The following GABRG3 variants were observed in gnomAD, a reference collection of about 807,000 sequenced individuals.
GABRG3 encodes gamma-aminobutyric acid type A receptor subunit gamma3.
GABRG3 carries 25 observed loss-of-function variants against 48.8 expected under a neutral mutation model. That is an observed-to-expected ratio of 0.51 (90% CI 0.37 to 0.72). The LOEUF (loss-of-function observed/expected upper bound fraction) is 0.72. Ranked by LOEUF, GABRG3 falls within the 30% of genes least tolerant of loss-of-function variation. GABRG3 has a pLI of 0.00. For missense variants in GABRG3, 394 were observed against 577.9 expected (o/e 0.68, Z 3.26); for synonymous variants, 227 against 217.6 (o/e 1.04, Z -0.38).
rs542646728 is a variant in GABRG3, at chr15:27,398,056, G to A, written c.574+69168G>A. On this transcript the variant is annotated intron_variant, in intron 5 of 9. Coordinates refer to ENST00000615808, the MANE Select transcript of GABRG3 (RefSeq NM_033223.5). The stretch of plus-strand genomic sequence containing the variant: ...CCTGACCTCGTGATCCTCCCGCCTC[G>A]GCCTCCCCAAGTGCTGGGATTACAG... Among the ~76,000 whole-genome samples the A allele has an allele frequency of 3.9e-5, 6 of 151,984 alleles. No individual in the cohort carries two copies. In the East Asian group the frequency reaches 7.7e-4, roughly 20 times the overall value.
chr15:27,248,937 G>A (rs796102882), intron 3 of GABRG3, among the ~76,000 whole-genome samples: 15 of 152,176 alleles, frequency 9.9e-5, no homozygotes, highest in African/African-American at 3.1e-4. Context: ...CGAAGCCATC[G>A]GCGACTGGCC....
chr15:27,369,947 C>T (rs1295454464), intron 5 of GABRG3, among the ~76,000 whole-genome samples: 1 of 151,910 alleles, frequency 6.6e-6, no homozygotes, highest in Non-Finnish European at 1.5e-5. Context: ...CTGCCCCTTA[C>T]TCACCAGCTT....
At chr15:27,185,608 T>A (rs1284340555) in intron 3 of GABRG3, among the ~76,000 whole-genome samples, 2 of 152,176 alleles carry the variant, frequency 1.3e-5, no homozygotes, top group African/African-American at 4.8e-5. Flanking sequence ...GTCTAATGGT[T>A]CTGTCAGTTG....
intron 3 of GABRG3, among the ~76,000 whole-genome samples, chr15:27,250,066 T>G (rs1890405055): frequency 6.6e-6 from 1 of 152,078 alleles, no homozygotes; most frequent in Admixed American, 6.5e-5. Flanking sequence ...TGTCTGTTCT[T>G]TTCCCTCCTC....
chr15:27,123,586 C>T (rs1233226905), intron 3 of GABRG3, among the ~76,000 whole-genome samples: 1 of 152,172 alleles, frequency 6.6e-6, no homozygotes, highest in Admixed American at 6.5e-5. Context: ...GCCATAGCAG[C>T]ACAAATGGAC....
intron 3 of GABRG3, among the ~76,000 whole-genome samples, chr15:27,181,541 A>C (rs1566956773): frequency 1.3e-5 from 2 of 152,192 alleles, no homozygotes; most frequent in Non-Finnish European, 2.9e-5. Context: ...TTTCTGTCTG[A>C]ATGAATTTCT....
chr15:27,100,217 CAAAAAA>C lies in GABRG3; in HGVS notation c.270+73411_270+73416del, dbSNP rs36148252. Among the ~76,000 whole-genome samples, 503 of 130,884 alleles carry C rather than the reference CAAAAAA, an allele frequency of 3.8e-3. 1 individual carries two copies. The highest frequency in any genetic ancestry group is 8.4e-3 in the South Asian group (32 of 3,826). 85.9% of individuals were successfully genotyped at this position (130,884 alleles called of 152,430 possible). A position where few individuals can be genotyped will look rare whatever the true frequency, so the allele number is the denominator to read the frequency against. ...TGGGTGACAGAGCAAGACCCTGTCT[CAAAAAA>C]AAAAAAAAAAAAAATCAGAATTAAT... is the stretch of plus-strand genomic sequence containing the variant. On this transcript the variant is annotated intron_variant, in intron 3 of 9. Transcript: ENST00000615808.
chr15:27,424,295 G>T (rs1387723376), intron 5 of GABRG3, among the ~76,000 whole-genome samples: 3 of 152,096 alleles, frequency 2.0e-5, no homozygotes, highest in Admixed American at 6.6e-5. Flanking sequence ...ACCCAAGACT[G>T]GGTAATTTAT....
chr15:27,281,221 A>C (rs1172476524), intron 3 of GABRG3, among the ~76,000 whole-genome samples: 5 of 152,180 alleles, frequency 3.3e-5, no homozygotes, highest in African/African-American at 1.2e-4. Context: ...TCTTGTAGAC[A>C]TCATGCTTTT....
chr15:27,188,995 C>T (rs1888199910), intron 3 of GABRG3, among the ~76,000 whole-genome samples: 1 of 152,042 alleles, frequency 6.6e-6, no homozygotes, highest in African/African-American at 2.4e-5. Flanking sequence ...ATCCTTTCCC[C>T]ATTGCTTGTT....
Position 26,971,940 on chromosome 15 carries a change from T to TCA in GABRG3, c.53+366_53+367dup, listed in dbSNP as rs377739260. 1.1e-3 allele frequency among the ~76,000 whole-genome samples: 160 copies of TCA among 151,748 alleles called. 1 individual carries two copies. Among genetic ancestry groups the TCA allele is most frequent in the African/African-American group, 3.4e-3 (141 of 41,426 alleles). On this transcript the variant is annotated intron_variant, in intron 1 of 9. Transcript: ENST00000615808. ...TTCCCACCTCAGCTGTTTCAGGGGCTCACACACACACACACTTTGGCTGAC... is the reference window on the plus strand; with the variant it reads ...TTCCCACCTCAGCTGTTTCAGGGGCTCACACACACACACACACTTTGGCTGAC...
At chr15:27,388,297 A>AAGGAAGGAAAGG (rs1566818403) in intron 5 of GABRG3, among the ~76,000 whole-genome samples, 2 of 31,462 alleles carry the variant, frequency 6.4e-5, no homozygotes, top group East Asian at 1.7e-3. Flanking sequence ...GGAAGAAAAG[A>AAGGAAGGAAAGG]AGGAAGGAAA....
intron 3 of GABRG3, among the ~76,000 whole-genome samples, chr15:27,212,576 A>C (rs954578360): frequency 2.0e-5 from 3 of 152,214 alleles, no homozygotes; most frequent in Non-Finnish European, 4.4e-5. Flanking sequence ...GTGGTGAAAT[A>C]CACATCCACC....
intron 3 of GABRG3, among the ~76,000 whole-genome samples, chr15:27,300,080 A>G (rs1047944212): frequency 2.0e-5 from 3 of 152,150 alleles, no homozygotes; most frequent in African/African-American, 7.2e-5. Context: ...AAATCTTTCA[A>G]ACTCTTACAT....
intron 3 of GABRG3, among the ~76,000 whole-genome samples, chr15:27,133,525 T>C (rs1897957549): frequency 6.6e-6 from 1 of 152,180 alleles, no homozygotes; most frequent in Non-Finnish European, 1.5e-5. Flanking sequence ...TTCCCTTTCC[T>C]TTTTTTCTGT....
chr15:27,128,416 A>G (rs1042585492), intron 3 of GABRG3, among the ~76,000 whole-genome samples: 7 of 152,302 alleles, frequency 4.6e-5, no homozygotes, highest in East Asian at 3.9e-4. Flanking sequence ...ATTATTTAAA[A>G]TAATTGTCCA....
chr15:27,527,580 A>G lies in GABRG3; in HGVS notation c.1013A>G (p.Asn338Ser), dbSNP rs1336815520. ...FAALMEYATL[N>S]YYSSCRKPTT... Reference sequence around the variant, plus strand: ...GCGCTGATGGAGTATGCCACCCTCAACTACTATTCCAGCTGTAGAAAACCA... The same window carrying G: ...GCGCTGATGGAGTATGCCACCCTCAGCTACTATTCCAGCTGTAGAAAACCA... The change falls in exon 8 of 10, where the codon AAC becomes AGC. Residue 338 changes from asparagine to serine, a missense_variant. Physicochemically the swap from Asn to Ser is conservative, Grantham distance 46 (BLOSUM62 1). Transcript: ENST00000615808. 4 of 1,613,558 alleles carry G rather than the reference A, an allele frequency of 2.5e-6. No individual in the cohort carries two copies. Among genetic ancestry groups the G allele is most frequent in the Non-Finnish European group, 2.5e-6 (3 of 1,179,718 alleles).
chr15:27,103,403 G>T (rs1487475580), intron 3 of GABRG3, among the ~76,000 whole-genome samples: 1 of 152,086 alleles, frequency 6.6e-6, no homozygotes, highest in East Asian at 1.9e-4. Context: ...CCCACAGCAG[G>T]TTCACCCAGG....
At chr15:27,301,674 AAC>A (rs1233551757) in intron 3 of GABRG3, among the ~76,000 whole-genome samples, 1 of 152,022 alleles carries the variant, frequency 6.6e-6, no homozygotes, top group Non-Finnish European at 1.5e-5. Flanking sequence ...AAAAATATAA[AAC>A]AGTTAAAAAC....
Sources: allele counts gnomAD v4.1 joint callset (sites outside exome capture counted in the v4.1 genomes callset), GRCh38; gene constraint gnomAD v4.1.1; transcripts MANE v1.5; gene names NCBI Gene and HGNC (gene_info 2026-07-23, HGNC 2026-07-21).